TMEM135: variants seen among roughly 807,000 people sequenced by gnomAD.
TMEM135 encodes the protein transmembrane protein 135, also known as peroxisomal membrane protein 52.
TMEM135 carries 30 observed loss-of-function variants against 60.3 expected under a neutral mutation model. The ratio of observed to expected loss-of-function variants is 0.50; its 90% CI spans 0.37 to 0.68. TMEM135 has a LOEUF of 0.68. Among genes scored for constraint, TMEM135 ranks in the 30% least tolerant of loss-of-function variants. The pLI, the probability that TMEM135 is intolerant of heterozygous loss-of-function variation, is 0.00. For missense variants in TMEM135, 468 were observed against 548.8 expected, an observed-to-expected ratio of 0.85 and a Z score of 1.47; for synonymous variants, 190 against 186.7, an observed-to-expected ratio of 1.02 and a Z score of -0.14.
chr11:87,098,940 G>A (rs964503839), intron 4 of TMEM135, among the ~76,000 whole-genome samples: 22 of 151,978 alleles, frequency 1.4e-4, no homozygotes, highest in Admixed American at 7.2e-4. Flanking sequence ...CGCCCGCCTC[G>A]GCCTCCCAAA....
At chr11:87,054,661 C>A (rs1949875237) in intron 1 of TMEM135, among the ~76,000 whole-genome samples, 1 of 152,042 alleles carries the variant, frequency 6.6e-6, no homozygotes, top group Non-Finnish European at 1.5e-5. Context: ...CTTACTTGAT[C>A]TTGGGGGTTT....
intron 4 of TMEM135, among the ~76,000 whole-genome samples, chr11:87,130,518 C>T (rs538721008): frequency 1.3e-5 from 2 of 152,138 alleles, no homozygotes; most frequent in African/African-American, 4.8e-5. Context: ...TCCTTGTGTC[C>T]TGCCATCCCC....
intron 5 of TMEM135, among the ~76,000 whole-genome samples, chr11:87,205,776 C>T (rs905713431): frequency 1.8e-4 from 28 of 152,238 alleles, no homozygotes; most frequent in African/African-American, 6.5e-4. Context: ...AGTTAAGTTT[C>T]GTTCTTGATC....
intron 5 of TMEM135, among the ~76,000 whole-genome samples, chr11:87,199,211 T>C (rs1260996929): frequency 6.6e-6 from 1 of 152,062 alleles, no homozygotes; most frequent in Non-Finnish European, 1.5e-5. Context: ...AATACAAAAA[T>C]TAGCTGGGCA....
At chr11:87,065,910 A>G (rs1856641579) in intron 1 of TMEM135, among the ~76,000 whole-genome samples, 2 of 152,198 alleles carry the variant, frequency 1.3e-5, no homozygotes, top group Non-Finnish European at 2.9e-5. Context: ...CCACACTGGC[A>G]TATTATAGCT....
rs139349464 is a variant in TMEM135, at chr11:87,278,292, T to C, written c.510-17490T>C. Reference sequence around the variant, plus strand: ...ATTCTTTGAATTTCATAAAGTGTAATGTGTTTCATAACACATATACATTTG... The same window carrying C: ...ATTCTTTGAATTTCATAAAGTGTAACGTGTTTCATAACACATATACATTTG... On this transcript the variant is annotated intron_variant, in intron 6 of 14. Coordinates refer to ENST00000305494, the MANE Select transcript of TMEM135 (RefSeq NM_022918.4). 1.4e-3 allele frequency among the ~76,000 whole-genome samples: 213 copies of C among 152,382 alleles called. 1 individual carries two copies. Among genetic ancestry groups the C allele is most frequent in the African/African-American group, 4.9e-3 (202 of 41,598 alleles).
At chr11:87,208,466 G>A (rs1486872585) in intron 5 of TMEM135, among the ~76,000 whole-genome samples, 1 of 152,096 alleles carries the variant, frequency 6.6e-6, no homozygotes, top group Admixed American at 6.5e-5. Flanking sequence ...GGAAAGAATT[G>A]AAGAGCTTGA....
At chr11:87,230,383 C>T (rs964807136) in intron 5 of TMEM135, among the ~76,000 whole-genome samples, 1 of 151,916 alleles carries the variant, frequency 6.6e-6, no homozygotes, top group Non-Finnish European at 1.5e-5. Context: ...TATATTGCCC[C>T]ATGGCTGTGA....
At chr11:87,059,472 C>T (rs1344518074) in intron 1 of TMEM135, among the ~76,000 whole-genome samples, 2 of 152,038 alleles carry the variant, frequency 1.3e-5, no homozygotes, top group South Asian at 2.1e-4. Context: ...TGTGCTACCA[C>T]GCCTGGCTAA....
intron 4 of TMEM135, among the ~76,000 whole-genome samples, chr11:87,137,928 T>C (rs1277217048): frequency 6.6e-6 from 1 of 152,100 alleles, no homozygotes; most frequent in Non-Finnish European, 1.5e-5. Context: ...TTTAAATTCC[T>C]GAATTACTTA....
chr11:87,192,907 G>A (rs768829545), intron 5 of TMEM135, among the ~76,000 whole-genome samples: 12 of 152,256 alleles, frequency 7.9e-5, no homozygotes, highest in Admixed American at 2.6e-4. Context: ...TTGAGATCAG[G>A]AGTTCAAGGC....
chr11:87,222,388 C>T (rs1446285710), intron 5 of TMEM135, among the ~76,000 whole-genome samples: 1 of 149,280 alleles, frequency 6.7e-6, no homozygotes, highest in Non-Finnish European at 1.5e-5. Flanking sequence ...GTCCCAGCTA[C>T]TCGGGAGGCT....
intron 5 of TMEM135, chr11:87,157,662 A>T (rs1011650519): frequency 1.9e-5 from 7 of 372,624 alleles, no homozygotes; most frequent in Non-Finnish European, 3.3e-5. Flanking sequence ...ATGACATTTT[A>T]TTAGTAACTT....
intron 6 of TMEM135, among the ~76,000 whole-genome samples, chr11:87,281,857 C>A (rs7128657): frequency 3.3e-5 from 5 of 151,998 alleles, no homozygotes; most frequent in African/African-American, 1.2e-4. Flanking sequence ...TCTCTGTTAC[C>A]CTAAGGTACA....
chr11:87,064,849 C>T (rs541949312), intron 1 of TMEM135, among the ~76,000 whole-genome samples: 3 of 152,220 alleles, frequency 2.0e-5, no homozygotes, highest in East Asian at 3.9e-4. Context: ...CATGCCATTG[C>T]ACTCCAGCCT....
At position 87,038,050 on chromosome 11, in the gene TMEM135, C is replaced by A. The variant is rs757844242; in HGVS notation, c.5C>A (p.Ala2Glu). M[A>E]ALSKSIPHNC... ...TTCTCCGCGCTGTTCCTCGTCATGG[C>A]GGCCCTCAGCAAGTCCATCCCTCAT... The change falls in exon 1 of 15, where the codon GCG (alanine) becomes GAG (glutamate). Residue 2 changes from alanine (A) to glutamate (E), a missense_variant. Coordinates refer to ENST00000305494, the MANE Select transcript of TMEM135 (RefSeq NM_022918.4). The A allele has an allele frequency of 6.2e-7, 1 of 1,614,030 alleles. No individual in the cohort carries two copies. Among genetic ancestry groups the A allele is most frequent in the Non-Finnish European group, 8.5e-7 (1 of 1,180,016 alleles).
intron 7 of TMEM135, among the ~76,000 whole-genome samples, chr11:87,297,545 TCAAAAGAGAAGG>T (rs1314209721): frequency 6.6e-6 from 1 of 152,244 alleles, no homozygotes; most frequent in African/African-American, 2.4e-5. Flanking sequence ...AGTTAGGTTT[TCAAAAGAGAAGG>T]AAAAACTTAG....
intron 9 of TMEM135, among the ~76,000 whole-genome samples, chr11:87,309,271 C>CTTTTTA (rs898420784): frequency 2.0e-5 from 3 of 152,128 alleles, no homozygotes; most frequent in African/African-American, 4.8e-5. Flanking sequence ...GCTTGTGAGA[C>CTTTTTA]TTTTTAAGTC....
rs776478732 is a variant in TMEM135, at chr11:87,321,987, G to A, written c.*654G>A. On this transcript the variant is annotated 3_prime_UTR_variant, in exon 15 of 15. Transcript: ENST00000305494. ...ATAACATCATCTCTCTTCATGACCAGTTAATTGGGCTATTTGGCAGCCCAG... is the reference window on the plus strand; with the variant it reads ...ATAACATCATCTCTCTTCATGACCAATTAATTGGGCTATTTGGCAGCCCAG... The A allele has an allele frequency of 2.2e-6, 1 of 454,398 alleles. No homozygotes were observed. Among genetic ancestry groups the A allele is most frequent in the Non-Finnish European group, 4.4e-6 (1 of 226,734 alleles). The allele number at this position is 454,398 out of a possible 1,614,324, so 28.1% of individuals were successfully genotyped here. A position where few individuals can be genotyped will look rare whatever the true frequency, so the allele number is the denominator to read the frequency against.
Sources: allele counts gnomAD v4.1 joint callset (sites outside exome capture counted in the v4.1 genomes callset), GRCh38; gene constraint gnomAD v4.1.1; transcripts MANE v1.5; gene names NCBI Gene and HGNC (gene_info 2026-07-23, HGNC 2026-07-21).